Variants in LINGO3 observed in about 807,000 individuals in gnomAD.
LINGO3 encodes the protein leucine-rich repeat and immunoglobulin-like domain-containing nogo receptor-interacting protein 3.
For synonymous variants in LINGO3, 427 were observed against 444.2 expected, an observed-to-expected ratio of 0.96 and a Z score of 0.49; for missense variants, 750 against 867.7, an observed-to-expected ratio of 0.86 and a Z score of 1.70.
exon 1 of LINGO3, chr19:2,291,423 C>G: frequency 6.2e-7 from 1 of 1,613,378 alleles, no homozygotes; most frequent in South Asian, 1.1e-5. Flanking sequence ...AGACCCCGGG[C>G]GGGATGAGCT....
At chr19:2,287,523 C>G (rs879339679), downstream of LINGO3, among the ~76,000 whole-genome samples, 2 of 152,234 alleles carry the variant, frequency 1.3e-5, no homozygotes, top group Admixed American at 1.3e-4. This position sits in a 1 kb window ranked among gnomAD's most constrained non-coding sequence, Gnocchi z 4.5. Context: ...ATCTGTACAT[C>G]GTGGTGCTGG....
At chr19:2,303,521 T>A in the LINGO3 span, among the ~76,000 whole-genome samples, 1 of 152,014 alleles carries the variant, frequency 6.6e-6, no homozygotes, top group Non-Finnish European at 1.5e-5. Context: ...GAGCCCTAGC[T>A]GGCAACGGCA....
chr19:2,290,883 C>T lies in LINGO3; in HGVS notation c.894G>A (p.Glu298=). ...CCAGCAGGGCCCCGGCCAGGTGCAG[C>T]TCGCGCAGGCGGACCAGGTCCCGGA... Residue 298 remains glutamate, a synonymous_variant, in exon 1 of 1, where the codon GAG becomes GAA. Coordinates refer to ENST00000585527, the Ensembl canonical transcript of LINGO3. This position sits in a 1 kb window ranked among gnomAD's most constrained non-coding sequence, Gnocchi z 6.0. 6.2e-7 allele frequency: 1 copy of T among 1,611,058 alleles called. No individual in the cohort carries two copies. The highest frequency in any genetic ancestry group is 1.3e-5 in the African/African-American group (1 of 75,002).
At chr19:2,293,896 T>C (rs1041779966), upstream of LINGO3, among the ~76,000 whole-genome samples, 1 of 151,758 alleles carries the variant, frequency 6.6e-6, no homozygotes, top group Non-Finnish European at 1.5e-5. Flanking sequence ...CAACTAAAAA[T>C]ACAAAAGTTA....
chr19:2,296,613 G>A (rs1410779998), upstream of LINGO3, among the ~76,000 whole-genome samples: 2 of 151,940 alleles, frequency 1.3e-5, no homozygotes, highest in African/African-American at 4.8e-5. Context: ...CAAGTAGCTG[G>A]GGTTACAGGT....
chr19:2,307,177 A>G, the LINGO3 span, among the ~76,000 whole-genome samples: 1 of 152,140 alleles, frequency 6.6e-6, no homozygotes, highest in Non-Finnish European at 1.5e-5. Context: ...CCGCCGGAGC[A>G]AGGGTGTCTG....
chr19:2,305,945 A>G, the LINGO3 span, among the ~76,000 whole-genome samples: 18 of 152,108 alleles, frequency 1.2e-4, 2 homozygotes, highest in Admixed American at 9.2e-4. Flanking sequence ...GGCTTCATCC[A>G]TGACAATTCA....
chr19:2,303,591 G>C, the LINGO3 span, among the ~76,000 whole-genome samples: 1 of 152,222 alleles, frequency 6.6e-6, no homozygotes, highest in East Asian at 1.9e-4. Context: ...ACAGGCAATG[G>C]GGAGCCATGG....
the LINGO3 span, among the ~76,000 whole-genome samples, chr19:2,303,885 G>A: frequency 6.6e-6 from 1 of 152,202 alleles, no homozygotes; most frequent in South Asian, 2.1e-4. Flanking sequence ...AAGAACTCAC[G>A]GGTCCTCACC....
At chr19:2,291,800 C>A in exon 1 of LINGO3, 1 of 1,459,158 alleles carries the variant, frequency 6.9e-7, no homozygotes, top group Non-Finnish European at 9.1e-7. Context: ...GGCCTAGGGC[C>A]GCGCCACCAT....
the LINGO3 span, among the ~76,000 whole-genome samples, chr19:2,306,996 C>A: frequency 6.6e-6 from 1 of 152,154 alleles, no homozygotes; most frequent in Non-Finnish European, 1.5e-5. Context: ...GCGTCCTCCA[C>A]CTGACCACTC....
At chr19:2,299,792 C>T in the LINGO3 span, among the ~76,000 whole-genome samples, 7 of 145,298 alleles carry the variant, frequency 4.8e-5, no homozygotes, top group East Asian at 4.0e-4. Context: ...GGTGCGATCT[C>T]GGCTCACTGC....
upstream of LINGO3, among the ~76,000 whole-genome samples, chr19:2,295,801 A>C (rs1318601101): frequency 6.6e-6 from 1 of 152,190 alleles, no homozygotes; most frequent in Non-Finnish European, 1.5e-5. Flanking sequence ...TGGACAGGAC[A>C]CATATGTACA....
rs764940971 is a variant in LINGO3, at chr19:2,291,834, C to A, written c.-58G>T. On this transcript the variant is annotated 5_prime_UTR_variant, in exon 1 of 1. Coordinates refer to ENST00000585527, the Ensembl canonical transcript of LINGO3. ...ATCCTCCTGCGCACCTGCGGGCGGG[C>A]GGGGAGCGGGCAGCGTTAGCACCGT... is the stretch of plus-strand genomic sequence containing the variant. 2.1e-5 allele frequency: 29 copies of A among 1,406,732 alleles called. 1 individual carries two copies. The South Asian group carries it at 3.6e-4, about 17-fold the overall frequency. The allele number at this position is 1,406,732 out of a possible 1,614,324, so 87.1% of individuals were successfully genotyped here. A position where few individuals can be genotyped will look rare whatever the true frequency, so the allele number is the denominator to read the frequency against.
chr19:2,300,054 G>A, the LINGO3 span, among the ~76,000 whole-genome samples: 6 of 115,790 alleles, frequency 5.2e-5, no homozygotes, highest in South Asian at 3.0e-4. Flanking sequence ...TTATTGAGTC[G>A]GAGTCTCACT....
chr19:2,289,182 G>A (rs1320700847), downstream of LINGO3, among the ~76,000 whole-genome samples: 1 of 150,492 alleles, frequency 6.6e-6, no homozygotes, highest in African/African-American at 2.5e-5. Flanking sequence ...TCTGTGTTCC[G>A]GGTGTGAGCT....
At chr19:2,296,009 G>GGCATGCCCC (rs1568413411), upstream of LINGO3, among the ~76,000 whole-genome samples, 4 of 152,138 alleles carry the variant, frequency 2.6e-5, no homozygotes, top group South Asian at 8.3e-4. Context: ...GCGAGAGAGG[G>GGCATGCCCC]GGCATGCCCC....
upstream of LINGO3, among the ~76,000 whole-genome samples, chr19:2,294,603 T>C (rs1231323271): frequency 7.9e-6 from 1 of 125,900 alleles, no homozygotes; most frequent in East Asian, 2.4e-4. This position sits in a 1 kb window ranked among gnomAD's most constrained non-coding sequence, Gnocchi z 4.3. Context: ...AAGGAGAGAG[T>C]GGAGGGGGGC....
At chr19:2,291,817 G>A (rs2025527461) in exon 1 of LINGO3, 2 of 1,453,438 alleles carry the variant, frequency 1.4e-6, no homozygotes, top group Admixed American at 2.1e-5. Context: ...CCATCCTCCT[G>A]CGCACCTGCG....
Sources: allele counts gnomAD v4.1 joint callset (sites outside exome capture counted in the v4.1 genomes callset), GRCh38; gene constraint gnomAD v4.1.1; non-coding constraint Gnocchi (gnomAD v3.1); transcripts MANE v1.5; gene names NCBI Gene and HGNC (gene_info 2026-07-23, HGNC 2026-07-21).